The following PDE1C variants were observed in gnomAD, a reference collection of about 807,000 sequenced individuals.
The protein encoded by PDE1C is phosphodiesterase 1C.
PDE1C carries 62 observed loss-of-function variants against 93.1 expected under a neutral mutation model. That is an observed-to-expected ratio of 0.67 (90% CI 0.54 to 0.82). The LOEUF is 0.82. Among genes scored for constraint, PDE1C ranks in the 40% least tolerant of loss-of-function variants. The pLI, the probability that PDE1C is intolerant of heterozygous loss-of-function variation, is 0.00. For synonymous variants in PDE1C, 325 were observed against 310.1 expected (o/e 1.05, Z -0.50); for missense variants, 742 against 884.6 (o/e 0.84, Z 2.04).
chr7:31,806,422 T>A (rs1417598030), intron 16 of PDE1C, among the ~76,000 whole-genome samples: 1 of 151,990 alleles, frequency 6.6e-6, no homozygotes, highest in Non-Finnish European at 1.5e-5. Flanking sequence ...ATGATTAGAA[T>A]CTTGGCTCAG....
At chr7:32,200,203 A>G (rs1804909421) in intron 2 of PDE1C, among the ~76,000 whole-genome samples, 1 of 152,124 alleles carries the variant, frequency 6.6e-6, no homozygotes, top group South Asian at 2.1e-4. Flanking sequence ...GCTGCCTCTT[A>G]TAGGTTTTTT....
chr7:32,240,250 C>G (rs1216377436), intron 1 of PDE1C, among the ~76,000 whole-genome samples: 1 of 152,100 alleles, frequency 6.6e-6, no homozygotes, highest in Non-Finnish European at 1.5e-5. Flanking sequence ...TTTTAAAGAA[C>G]AGTTTATGGT....
intron 1 of PDE1C, among the ~76,000 whole-genome samples, chr7:32,338,774 T>A (rs538241518): frequency 1.3e-5 from 2 of 151,972 alleles, no homozygotes; most frequent in Admixed American, 1.3e-4. Flanking sequence ...GAGGCCGAGG[T>A]GGGCGGATCA....
At chr7:32,376,162 A>C (rs534794594) in intron 1 of PDE1C, among the ~76,000 whole-genome samples, 92 of 148,776 alleles carry the variant, frequency 6.2e-4, no homozygotes, top group African/African-American at 2.2e-3. Flanking sequence ...CTGTCAAAAA[A>C]AGAAAGAAAG....
At chr7:32,297,955 ATCTC>A (rs768784407) in intron 1 of PDE1C, among the ~76,000 whole-genome samples, 679 of 28,876 alleles carry the variant, frequency 0.024, 13 homozygotes, top group African/African-American at 0.068. Flanking sequence ...CTATTGTTCA[ATCTC>A]TCTCTCTCTC....
intron 3 of PDE1C, among the ~76,000 whole-genome samples, chr7:32,122,992 A>T (rs886711158): frequency 5.3e-5 from 8 of 152,204 alleles, no homozygotes; most frequent in Non-Finnish European, 1.0e-4. Flanking sequence ...GAAAAGAGAC[A>T]AGAATAAAAT....
intron 2 of PDE1C, among the ~76,000 whole-genome samples, chr7:32,183,451 A>C (rs1184724848): frequency 6.6e-6 from 1 of 152,180 alleles, no homozygotes; most frequent in Non-Finnish European, 1.5e-5. Flanking sequence ...ACCAAAACAG[A>C]GATATAGACA....
chr7:32,223,506 G>A (rs557295126), intron 1 of PDE1C, among the ~76,000 whole-genome samples: 13 of 152,258 alleles, frequency 8.5e-5, no homozygotes, highest in East Asian at 5.8e-4. Flanking sequence ...AGAGCTCATC[G>A]CTTGCACAGC....
chr7:31,865,959 CCAGT>C (rs1202615919), intron 6 of PDE1C, among the ~76,000 whole-genome samples: 2 of 152,084 alleles, frequency 1.3e-5, no homozygotes, highest in South Asian at 2.1e-4. Flanking sequence ...TTTGCAACTA[CCAGT>C]CACTCAGAAT....
At chr7:32,012,678 A>T (rs1255990622) in intron 2 of PDE1C, among the ~76,000 whole-genome samples, 1 of 152,212 alleles carries the variant, frequency 6.6e-6, no homozygotes, top group Non-Finnish European at 1.5e-5. Flanking sequence ...TATGATCTTT[A>T]TCCTGAATAT....
intron 2 of PDE1C, among the ~76,000 whole-genome samples, chr7:32,044,676 C>T (rs1374868595): frequency 6.6e-6 from 1 of 152,042 alleles, no homozygotes; most frequent in African/African-American, 2.4e-5. Flanking sequence ...AGCCCACAAT[C>T]CGTTAGGGAC....
chr7:32,159,162 C>T (rs1453337452), intron 3 of PDE1C, among the ~76,000 whole-genome samples: 1 of 152,168 alleles, frequency 6.6e-6, no homozygotes, highest in African/African-American at 2.4e-5. Flanking sequence ...TGACTCACCT[C>T]ATGCAGCTTC....
intron 2 of PDE1C, among the ~76,000 whole-genome samples, chr7:32,183,166 G>A (rs6979187): frequency 0.31 from 47,732 of 151,794 alleles, 9,116 homozygotes; most frequent in East Asian, 0.58. Flanking sequence ...CAAACAAATG[G>A]AAGAACATTC....
rs563247594 is a variant in PDE1C at position 31,989,353 on chromosome 7, C to G, written c.128+62201G>C. ...CCCAGTATACATACTCAGTAAATGT[C>G]TGCTGTTACTGCCAGCTACTTGTTT... On this transcript the variant is annotated intron_variant, in intron 2 of 17. Coordinates refer to ENST00000396191, the MANE Select transcript of PDE1C (RefSeq NM_001191057.4). 3.3e-5 allele frequency among the ~76,000 whole-genome samples: 5 copies of G among 152,322 alleles called. No individual in the cohort carries two copies. The East Asian group carries it at 9.6e-4, about 29-fold the overall frequency.
chr7:32,229,983 T>C (rs1339053925), intron 1 of PDE1C, among the ~76,000 whole-genome samples: 6 of 152,196 alleles, frequency 3.9e-5, no homozygotes, highest in Non-Finnish European at 7.3e-5. Flanking sequence ...CTGACAACTT[T>C]CTGAAGTCCA....
At chr7:32,299,407 A>G (rs907581884), upstream of PDE1C, 1 of 985,412 alleles carries the variant, frequency 1.0e-6, no homozygotes, top group Non-Finnish European at 1.2e-6. Context: ...TTTCTTCTCC[A>G]CTGTCCCTGC....
intron 2 of PDE1C, among the ~76,000 whole-genome samples, chr7:31,949,756 A>G (rs1348649159): frequency 6.6e-6 from 1 of 152,156 alleles, no homozygotes; most frequent in African/African-American, 2.4e-5. Flanking sequence ...TATGAGTTTG[A>G]CTTAATAGGG....
chr7:31,928,253 A>T (rs12216638), intron 2 of PDE1C, among the ~76,000 whole-genome samples: 2 of 151,732 alleles, frequency 1.3e-5, no homozygotes, highest in African/African-American at 2.4e-5. Context: ...AAGAATGAAA[A>T]GGAACAAATA....
At chr7:32,303,742 G>A (rs1302335262), upstream of PDE1C, among the ~76,000 whole-genome samples, 1 of 152,010 alleles carries the variant, frequency 6.6e-6, no homozygotes, top group Non-Finnish European at 1.5e-5. Context: ...TTCCACAAAG[G>A]GGCAATTTTT....
Sources: allele counts gnomAD v4.1 joint callset (sites outside exome capture counted in the v4.1 genomes callset), GRCh38; gene constraint gnomAD v4.1.1; transcripts MANE v1.5; gene names NCBI Gene and HGNC (gene_info 2026-07-23, HGNC 2026-07-21).